IDE: variants seen among roughly 807,000 people sequenced by gnomAD.
IDE encodes insulin-degrading enzyme.
Under a neutral mutation model 133.2 loss-of-function variants are expected in IDE, and 58 were observed. That is an observed-to-expected ratio of 0.44 (90% CI 0.35 to 0.54). IDE has a LOEUF of 0.54. Ranked by LOEUF, IDE falls within the 20% of genes least tolerant of loss-of-function variation. The probability of loss-of-function intolerance (pLI) is 0.00; values close to 1 mark genes in which losing one functional copy is unlikely to be tolerated. For missense variants in IDE, 981 were observed against 1,234.0 expected (o/e 0.79, Z 3.07); for synonymous variants, 396 against 421.3 (o/e 0.94, Z 0.73).
intron 1 of IDE, among the ~76,000 whole-genome samples, chr10:92,572,157 C>G (rs151021467): frequency 3.1e-4 from 47 of 152,322 alleles, no homozygotes; most frequent in African/African-American, 1.1e-3. Flanking sequence ...CTAGAACATA[C>G]AAACCACTTA....
chr10:92,532,721 T>C (rs537050330), intron 3 of IDE, among the ~76,000 whole-genome samples: 2 of 152,260 alleles, frequency 1.3e-5, no homozygotes, highest in East Asian at 3.9e-4. Context: ...ATGATTCCTG[T>C]AGTAATTCTT....
At chr10:92,516,891 T>C (rs527595324) in intron 4 of IDE, among the ~76,000 whole-genome samples, 35 of 152,282 alleles carry the variant, frequency 2.3e-4, no homozygotes, top group African/African-American at 8.2e-4. Context: ...CAAAAACAAA[T>C]AGTCAAATTC....
At chr10:92,476,173 A>G (rs1488637415) in intron 15 of IDE, among the ~76,000 whole-genome samples, 179 bp from the exon 16 acceptor site, 1 of 151,436 alleles carries the variant, frequency 6.6e-6, no homozygotes, top group Non-Finnish European at 1.5e-5. Context: ...AACATTAACC[A>G]TCTTTTTTTT....
intron 1 of IDE, among the ~76,000 whole-genome samples, chr10:92,550,637 C>A (rs139796044): frequency 0.018 from 2,182 of 121,060 alleles, 26 homozygotes; most frequent in Middle Eastern, 0.11. Flanking sequence ...GGCAACAGAG[C>A]TAGACTCCGT....
At chr10:92,533,878 C>T (rs1041883000) in intron 3 of IDE, among the ~76,000 whole-genome samples, 1 of 152,074 alleles carries the variant, frequency 6.6e-6, no homozygotes, top group Admixed American at 6.5e-5. Context: ...ACAAAATTAG[C>T]CAGGCGTGGT....
intron 14 of IDE, among the ~76,000 whole-genome samples, chr10:92,481,817 G>C (rs1207780333): frequency 6.6e-6 from 1 of 152,142 alleles, no homozygotes; most frequent in Non-Finnish European, 1.5e-5. Context: ...GCAGTTTAGA[G>C]AACACAAAAA....
chr10:92,497,628 A>C (rs1484455482), intron 11 of IDE: 1 of 499,786 alleles, frequency 2.0e-6, no homozygotes, highest in Non-Finnish European at 2.6e-6. Flanking sequence ...ACCTGGTTGC[A>C]ATGTTAAACT....
intron 5 of IDE, among the ~76,000 whole-genome samples, chr10:92,510,718 A>G (rs185048628): frequency 3.1e-4 from 47 of 151,538 alleles, no homozygotes; most frequent in Non-Finnish European, 5.6e-4. Context: ...GATATATATC[A>G]CATACATCTC....
chr10:92,568,689 G>A (rs747397798), intron 1 of IDE, among the ~76,000 whole-genome samples: 5 of 152,004 alleles, frequency 3.3e-5, no homozygotes, highest in Non-Finnish European at 5.9e-5. Flanking sequence ...GGTGGCACGC[G>A]CCTGTAGTCC....
intron 2 of IDE, among the ~76,000 whole-genome samples, chr10:92,536,412 C>T (rs1429562972): frequency 7.5e-5 from 11 of 147,016 alleles, no homozygotes; most frequent in Non-Finnish European, 1.3e-4. Flanking sequence ...GAAATGTGCA[C>T]ACAAGGCTGG....
Position 92,514,995 on chromosome 10 carries a change from C to T in IDE, c.709G>A (p.Val237Ile), listed in dbSNP as rs747258605. Residue 237 changes from valine to isoleucine, a missense_variant, in exon 5 of 25, where the codon GTA becomes ATA. This residue lies in a region of IDE where 321 missense variants were observed against 339.3 expected (regional missense o/e 0.95). Transcript: ENST00000265986. Reference protein sequence around the residue: ...ETRPNQEGIDVRQELLKFHSA... With the variant: ...ETRPNQEGIDIRQELLKFHSA... The stretch of plus-strand genomic sequence containing the variant: ...TGGAATTTCAGTAGCTCTTGTCTTA[C>T]ATCAATGCCTTCTTGGTTTGGTCTA... The T allele has an allele frequency of 1.2e-6, 2 of 1,609,580 alleles. No homozygotes were observed. The highest frequency in any genetic ancestry group is 2.2e-5 in the South Asian group (2 of 90,858).
intron 13 of IDE, among the ~76,000 whole-genome samples, chr10:92,485,121 C>CTT (rs1469725925): frequency 1.5e-4 from 15 of 101,412 alleles, no homozygotes; most frequent in South Asian, 9.4e-4. Flanking sequence ...TTCTTTCTTT[C>CTT]TTTCTTTTTT....
intron 4 of IDE, 49 bp downstream of exon 4, chr10:92,531,699 C>G: frequency 1.0e-6 from 1 of 992,402 alleles, no homozygotes; most frequent in South Asian, 2.4e-5. Flanking sequence ...TAATACTATG[C>G]AGTGGCCATG....
At chr10:92,500,165 T>C (rs1239729333) in intron 11 of IDE, among the ~76,000 whole-genome samples, 1 of 151,886 alleles carries the variant, frequency 6.6e-6, no homozygotes, top group Non-Finnish European at 1.5e-5. Context: ...GACATGGTGG[T>C]GCGTGCCTGT....
At chr10:92,571,266 C>T (rs868529501) in intron 1 of IDE, among the ~76,000 whole-genome samples, 2 of 152,106 alleles carry the variant, frequency 1.3e-5, no homozygotes, top group African/African-American at 2.4e-5. Context: ...CCCCCGACCT[C>T]GCCCTGTCAA....
At chr10:92,510,639 A>ATCACATATGATATATATCACATACATC (rs1564635123) in intron 5 of IDE, among the ~76,000 whole-genome samples, 2 of 151,176 alleles carry the variant, frequency 1.3e-5, no homozygotes, top group African/African-American at 4.9e-5. Context: ...GTATATATAT[A>ATCACATATGATATATATCACATACATC]TCACATATAT....
intron 1 of IDE, chr10:92,558,891 G>A (rs1277931289): frequency 2.0e-5 from 3 of 150,840 alleles, no homozygotes; most frequent in Non-Finnish European, 4.4e-5. Context: ...CAACACGCCC[G>A]GCCTAGAGAA....
chr10:92,459,736 T>C, intron 22 of IDE, among the ~76,000 whole-genome samples: 1 of 152,142 alleles, frequency 6.6e-6, no homozygotes, highest in Admixed American at 6.5e-5. Flanking sequence ...TTAGCATACT[T>C]ATTACACATT....
intron 11 of IDE, 79 bp downstream of exon 11, chr10:92,504,715 T>C (rs1188643095): frequency 9.2e-6 from 7 of 758,052 alleles, no homozygotes; most frequent in African/African-American, 8.9e-5. Flanking sequence ...AGCATTTTAT[T>C]CACAATTTCA....
Sources: gnomAD v4.1 joint callset for allele counts (sites outside exome capture counted in the v4.1 genomes callset) on GRCh38, gnomAD v4.1.1 for gene constraint, gnomAD v4.1.1 regional missense constraint, MANE v1.5 for transcripts, NCBI Gene and HGNC (gene_info 2026-07-23, HGNC 2026-07-21) for gene names.